FMO1: variants seen among roughly 807,000 people sequenced by gnomAD.
FMO1 encodes flavin containing dimethylaniline monoxygenase 1, also known as flavin-containing monooxygenase 1.
In FMO1, 36 loss-of-function variants were observed where a neutral mutation model predicts 45.4. The observed-to-expected ratio is 0.79, with a 90% CI of 0.61 to 1.05. The LOEUF (loss-of-function observed/expected upper bound fraction) is 1.05. FMO1 is among the 50% of genes least tolerant of loss of function. FMO1 has a pLI of 0.00. For missense variants in FMO1, 615 were observed against 640.3 expected (o/e 0.96, Z 0.43); for synonymous variants, 228 against 227.2 (o/e 1.00, Z -0.03).
chr1:171,257,855 G>A (rs1336445319), intron 1 of FMO1: 6 of 499,550 alleles, frequency 1.2e-5, no homozygotes, highest in Middle Eastern at 5.7e-4. Flanking sequence ...ACAACTGTAC[G>A]AACATTTGGC....
chr1:171,271,542 T>C, intron 3 of FMO1: 2 of 830,132 alleles, frequency 2.4e-6, no homozygotes, highest in South Asian at 2.6e-5. Context: ...AAAAAATGCA[T>C]ATGATGACAT....
chr1:171,277,837 G>A (rs1661170682), intron 4 of FMO1, among the ~76,000 whole-genome samples: 1 of 152,160 alleles, frequency 6.6e-6, no homozygotes, highest in Admixed American at 6.6e-5. Flanking sequence ...TAAAGAGCCA[G>A]CAGGCCTTGT....
At chr1:171,265,927 A>G (rs1479815411) in intron 2 of FMO1, among the ~76,000 whole-genome samples, 1 of 152,242 alleles carries the variant, frequency 6.6e-6, no homozygotes, top group East Asian at 1.9e-4. Flanking sequence ...TTTTTAAACC[A>G]GTCTCAGCAA....
intron 2 of FMO1, among the ~76,000 whole-genome samples, chr1:171,264,691 C>A (rs980720904): frequency 5.3e-5 from 8 of 151,992 alleles, no homozygotes; most frequent in African/African-American, 1.9e-4. Flanking sequence ...AGATGGAGAC[C>A]ATCCTGGCTA....
chr1:171,258,346 G>A, intron 2 of FMO1, 127 bp downstream of exon 2: 1 of 1,088,642 alleles, frequency 9.2e-7, no homozygotes, highest in Non-Finnish European at 1.3e-6. Flanking sequence ...GCTGAACAGG[G>A]GACCATGAGG....
rs1343513073 is a variant in FMO1 at position 171,248,632 on chromosome 1, C to T, written c.-7+9C>T. On this transcript the variant is annotated intron_variant, in intron 1 of 8. Coordinates refer to ENST00000617670, the MANE Select transcript of FMO1 (RefSeq NM_001282693.2). ...AATTACAAGTACGTAAAGTAAGTAA[C>T]CAGATATAATCTCTGATTTCTTTGG... 6.6e-6 allele frequency: 1 copy of T among 152,038 alleles called. No homozygotes were observed. The highest frequency in any genetic ancestry group is 1.9e-4 in the East Asian group (1 of 5,146). 9.4% of individuals were successfully genotyped at this position (152,038 alleles called of 1,614,324 possible). A position where few individuals can be genotyped will look rare whatever the true frequency, so the allele number is the denominator to read the frequency against.
At chr1:171,261,626 G>A (rs1481170200) in intron 2 of FMO1, among the ~76,000 whole-genome samples, 3 of 152,162 alleles carry the variant, frequency 2.0e-5, no homozygotes, top group African/African-American at 4.8e-5. Context: ...GCTCATGCCT[G>A]TAATCCCAGC....
At chr1:171,261,422 G>A (rs1319876834) in intron 2 of FMO1, among the ~76,000 whole-genome samples, 3 of 152,118 alleles carry the variant, frequency 2.0e-5, no homozygotes, top group Non-Finnish European at 4.4e-5. Context: ...CCCTGGCAAT[G>A]GCTGTGCTTG....
rs746848448 is a variant in FMO1, at chr1:171,278,734, A to G, written c.490A>G (p.Asn164Asp). 4 of 1,597,374 alleles carry G rather than the reference A, an allele frequency of 2.5e-6. No individual in the cohort carries two copies. In the East Asian group the frequency reaches 6.7e-5, roughly 27 times the overall value. Residue 164 changes from asparagine (N) to aspartate (D), a missense_variant, in exon 5 of 9, where the codon AAT becomes GAT. Asn to Asp is a conservative substitution (Grantham distance 23, BLOSUM62 1). Coordinates refer to ENST00000617670, the MANE Select transcript of FMO1 (RefSeq NM_001282693.2). Reference protein sequence around the residue: ...YLPLDSFPGINAFKGQYFHSR... With the variant: ...YLPLDSFPGIDAFKGQYFHSR... Reference sequence around the variant, plus strand: ...TTCTCTTTTATTTTCTATAGGTATTAATGCCTTTAAAGGCCAGTACTTTCA... The same window carrying G: ...TTCTCTTTTATTTTCTATAGGTATTGATGCCTTTAAAGGCCAGTACTTTCA...
chr1:171,282,217 T>A lies in FMO1; in HGVS notation c.1067T>A (p.Ile356Asn). The change falls in exon 7 of 9, where the codon ATC (isoleucine) becomes AAC (asparagine). Residue 356 changes from isoleucine (I) to asparagine (N), a missense_variant. Coordinates refer to ENST00000617670, the MANE Select transcript of FMO1 (RefSeq NM_001282693.2). Reference protein sequence around the residue: ...EDGQASLYKYIFPAHLQKPTL... With the variant: ...EDGQASLYKYNFPAHLQKPTL... The stretch of plus-strand genomic sequence containing the variant: ...GGCCAGGCCTCACTGTACAAGTATA[T>A]CTTCCCTGCACATCTGCAAAAGCCA... The A allele has an allele frequency of 6.2e-7, 1 of 1,614,042 alleles. No individual in the cohort carries two copies.
intron 4 of FMO1, among the ~76,000 whole-genome samples, chr1:171,275,720 T>C (rs1303664513): frequency 1.3e-5 from 2 of 152,110 alleles, no homozygotes; most frequent in African/African-American, 2.4e-5. Context: ...TGTGAATACA[T>C]AAGAGCAAAA....
chr1:171,282,577 T>C, intron 7 of FMO1: 1 of 397,050 alleles, frequency 2.5e-6, no homozygotes, highest in East Asian at 4.0e-5. Context: ...ACAGTTGACA[T>C]AGGCTGTATC....
At chr1:171,271,538 T>C in intron 3 of FMO1, 1 of 835,646 alleles carries the variant, frequency 1.2e-6, no homozygotes, top group Non-Finnish European at 2.1e-6. Flanking sequence ...GCACAAAAAA[T>C]GCATATGATG....
chr1:171,264,946 A>T (rs1660553050), intron 2 of FMO1, among the ~76,000 whole-genome samples: 1 of 151,862 alleles, frequency 6.6e-6, no homozygotes, highest in South Asian at 2.1e-4. Flanking sequence ...GCTCACCCTG[A>T]CTTACAGAGT....
chr1:171,269,184 T>C (rs1660745578), intron 3 of FMO1, among the ~76,000 whole-genome samples: 1 of 151,944 alleles, frequency 6.6e-6, no homozygotes, highest in Admixed American at 6.6e-5. Flanking sequence ...TTGGTACCAG[T>C]AGAGTGGGGA....
At position 171,285,398 on chromosome 1, in the gene FMO1, A is replaced by C; in HGVS notation, c.1453A>C (p.Arg485=). 2 of 1,613,740 alleles carry C rather than the reference A, an allele frequency of 1.2e-6. No individual in the cohort carries two copies. Among genetic ancestry groups the C allele is most frequent in the Non-Finnish European group, 1.7e-6 (2 of 1,179,860 alleles). Residue 485 remains arginine (R), a synonymous_variant, in exon 9 of 9, where the codon AGA becomes CGA. Transcript: ENST00000617670. ...TGGCCCAGGAAAATGGGAAGGAGCCAGAAATGCCATCATGACCCAGTGGGA... is the reference window on the plus strand; with the variant it reads ...TGGCCCAGGAAAATGGGAAGGAGCCCGAAATGCCATCATGACCCAGTGGGA... ...LTGPGKWEGA[R]NAIMTQWDRT...
intron 3 of FMO1, among the ~76,000 whole-genome samples, chr1:171,274,655 T>A (rs1459673388): frequency 2.0e-5 from 3 of 152,146 alleles, no homozygotes; most frequent in Non-Finnish European, 2.9e-5. Flanking sequence ...CTATATTCTT[T>A]AAAAACTTTA....
chr1:171,250,850 A>C (rs962383136), intron 1 of FMO1, among the ~76,000 whole-genome samples: 18 of 152,142 alleles, frequency 1.2e-4, no homozygotes, highest in African/African-American at 3.9e-4. Context: ...AATAATAATA[A>C]ATTTATCTTA....
At chr1:171,271,127 AT>A (rs2101823128) in intron 3 of FMO1, 1 of 884,744 alleles carries the variant, frequency 1.1e-6, no homozygotes, top group East Asian at 2.4e-5. Context: ...TCCTTTTTGT[AT>A]TTTTCCTTTA....
Sources: gnomAD v4.1 joint callset for allele counts (sites outside exome capture counted in the v4.1 genomes callset) on GRCh38, gnomAD v4.1.1 for gene constraint, MANE v1.5 for transcripts, NCBI Gene and HGNC (gene_info 2026-07-23, HGNC 2026-07-21) for gene names.